Variants in PATL1 observed in about 807,000 individuals in gnomAD.
The protein encoded by PATL1 is PAT1 homolog 1, processing body mRNA decay factor.
In PATL1, 32 loss-of-function variants were observed where a neutral mutation model predicts 100.6. The observed-to-expected ratio is 0.32, with a 90% CI of 0.24 to 0.43. The LOEUF (loss-of-function observed/expected upper bound fraction) is 0.43. Ranked by LOEUF, PATL1 falls within the 20% of genes least tolerant of loss-of-function variation. The pLI is 1.00. For missense variants in PATL1, 747 were observed against 949.9 expected (o/e 0.79, Z 2.81); for synonymous variants, 332 against 330.0 (o/e 1.01, Z -0.07).
chr11:59,637,199 A>G lies in PATL1; in HGVS notation c.*1191T>C, dbSNP rs577063794. 2 of 152,504 alleles carry G rather than the reference A, an allele frequency of 1.3e-5. No homozygotes were observed. Among genetic ancestry groups the G allele is most frequent in the South Asian group, 4.2e-4 (2 of 4,818 alleles). The allele number at this position is 152,504 out of a possible 1,614,324, so 9.4% of individuals were successfully genotyped here. A position where few individuals can be genotyped will look rare whatever the true frequency, so the allele number is the denominator to read the frequency against. ...CAGGGCTGTAATCACTAGGGATCAA[A>G]ACTCCTTAGTCTGGTTGATTGCTGA... On this transcript the variant is annotated 3_prime_UTR_variant, in exon 19 of 19. Transcript: ENST00000300146.
chr11:59,660,747 T>C (rs1861615397), intron 2 of PATL1, among the ~76,000 whole-genome samples: 1 of 152,218 alleles, frequency 6.6e-6, no homozygotes, highest in East Asian at 1.9e-4. Context: ...AATTTTCATT[T>C]GGCTTAACTT....
chr11:59,641,580 C>A (rs1018982119), intron 16 of PATL1, among the ~76,000 whole-genome samples: 2 of 151,952 alleles, frequency 1.3e-5, no homozygotes, highest in Non-Finnish European at 2.9e-5. Flanking sequence ...TGGCGAAACC[C>A]CACCTCTACA....
At chr11:59,664,813 T>G (rs898795219) in intron 2 of PATL1, among the ~76,000 whole-genome samples, 1 of 152,188 alleles carries the variant, frequency 6.6e-6, no homozygotes, top group African/African-American at 2.4e-5. Flanking sequence ...CAAGTGATCC[T>G]CCTGCCTTGA....
chr11:59,668,594 TG>T (rs903783968), intron 1 of PATL1, among the ~76,000 whole-genome samples: 16 of 56,282 alleles, frequency 2.8e-4, no homozygotes, highest in African/African-American at 9.7e-4. Context: ...CCTCTAGGGG[TG>T]GGGGCGGGGG....
At chr11:59,660,808 A>G (rs1254553312) in intron 2 of PATL1, among the ~76,000 whole-genome samples, 2 of 152,214 alleles carry the variant, frequency 1.3e-5, no homozygotes, top group African/African-American at 4.8e-5. Context: ...GGGAAGAGGA[A>G]GGGGCATTTC....
chr11:59,660,993 C>T (rs536843763), intron 2 of PATL1, among the ~76,000 whole-genome samples: 11 of 152,318 alleles, frequency 7.2e-5, no homozygotes, highest in African/African-American at 2.4e-4. Flanking sequence ...GGAGCTAGAC[C>T]TTACTTCCAA....
At chr11:59,642,699 C>A in intron 16 of PATL1, 181 bp downstream of exon 16, 1 of 611,700 alleles carries the variant, frequency 1.6e-6, no homozygotes, top group South Asian at 2.7e-5. Context: ...ACACTAGACA[C>A]ATAAAATCCC....
chr11:59,650,663 G>T, intron 13 of PATL1, 91 bp downstream of exon 13: 1 of 863,964 alleles, frequency 1.2e-6, no homozygotes, highest in South Asian at 1.8e-5. Context: ...AAAGAACATT[G>T]ACTGATTGCT....
rs1305401650 is a variant in PATL1, at chr11:59,652,595, GAGA to G, written c.1303-11_1303-9del. On this transcript the variant is annotated splice_polypyrimidine_tract_variant and intron_variant, in intron 10 of 18. Coordinates refer to ENST00000300146, the MANE Select transcript of PATL1 (RefSeq NM_152716.3). Reference sequence around the variant, plus strand: ...CAGTTTTTCAAAGTAATTCTACCACGAGAAGATGATTTCAGTTGTAACACAAGC... The same window carrying G: ...CAGTTTTTCAAAGTAATTCTACCACGAGATGATTTCAGTTGTAACACAAGC... 2 of 1,612,410 alleles carry G rather than the reference GAGA, an allele frequency of 1.2e-6. No homozygotes were observed. The highest frequency in any genetic ancestry group is 1.7e-6 in the Non-Finnish European group (2 of 1,179,526).
chr11:59,656,188 G>T (rs1861529530), intron 6 of PATL1, 143 bp from the exon 7 acceptor site: 1 of 575,032 alleles, frequency 1.7e-6, no homozygotes, highest in Admixed American at 3.7e-5. Context: ...TAGAAAAAAA[G>T]AGTAATGCTA....
chr11:59,665,375 C>A (rs538505627), intron 2 of PATL1, among the ~76,000 whole-genome samples: 1 of 152,344 alleles, frequency 6.6e-6, no homozygotes, highest in South Asian at 2.1e-4. Flanking sequence ...GTTGCACAGA[C>A]AGAAGTGTTG....
intron 15 of PATL1, 72 bp from the exon 16 acceptor site, chr11:59,643,107 T>C (rs1438072941): frequency 6.7e-7 from 1 of 1,487,484 alleles, no homozygotes; most frequent in Non-Finnish European, 9.1e-7. Context: ...GGGGCATGGA[T>C]GGAAGGATGT....
At chr11:59,646,504 C>T (rs1861368091) in intron 15 of PATL1, among the ~76,000 whole-genome samples, 1 of 152,090 alleles carries the variant, frequency 6.6e-6, no homozygotes, top group Non-Finnish European at 1.5e-5. Context: ...TAAATATATA[C>T]TTGTCCCAAC....
chr11:59,648,935 A>G (rs561588825), intron 14 of PATL1, among the ~76,000 whole-genome samples: 2 of 152,354 alleles, frequency 1.3e-5, no homozygotes, highest in South Asian at 2.1e-4. Context: ...AATACATCGA[A>G]TAAGTATTCA....
intron 2 of PATL1, among the ~76,000 whole-genome samples, chr11:59,663,685 A>G (rs1861654323): frequency 6.6e-6 from 1 of 152,174 alleles, no homozygotes; most frequent in South Asian, 2.1e-4. Context: ...CTGCAACACT[A>G]TTTATTGCTC....
chr11:59,649,243 G>T (rs1218662279), intron 14 of PATL1, among the ~76,000 whole-genome samples: 2 of 152,182 alleles, frequency 1.3e-5, no homozygotes, highest in South Asian at 2.1e-4. Context: ...TGTATTTGTT[G>T]AATGAATAAA....
chr11:59,664,504 G>C (rs1173812715), intron 2 of PATL1, among the ~76,000 whole-genome samples: 1 of 152,190 alleles, frequency 6.6e-6, no homozygotes, highest in Non-Finnish European at 1.5e-5. Context: ...ATTCAGTACA[G>C]TATTTTAATA....
At chr11:59,668,023 C>T (rs1010250768) in intron 1 of PATL1, among the ~76,000 whole-genome samples, 1 of 152,218 alleles carries the variant, frequency 6.6e-6, no homozygotes. Context: ...TACCCCAGAG[C>T]CCTTCCAAAC....
intron 2 of PATL1, among the ~76,000 whole-genome samples, chr11:59,666,178 G>A (rs955077338): frequency 1.3e-5 from 2 of 151,554 alleles, no homozygotes; most frequent in Admixed American, 6.6e-5. Flanking sequence ...CTCAGGAGGC[G>A]GAGGTTGCAG....
Sources: gnomAD v4.1 joint callset for allele counts (sites outside exome capture counted in the v4.1 genomes callset) on GRCh38, gnomAD v4.1.1 for gene constraint, MANE v1.5 for transcripts, NCBI Gene and HGNC (gene_info 2026-07-23, HGNC 2026-07-21) for gene names.